Variants in ADGRL2 observed in about 807,000 individuals in gnomAD.
The protein encoded by ADGRL2 is calcium-independent alpha-latrotoxin receptor 2.
Under a neutral mutation model 157.4 loss-of-function variants are expected in ADGRL2, and 44 were observed. That is an observed-to-expected ratio of 0.28 (90% CI 0.22 to 0.36). ADGRL2 has a LOEUF of 0.36. Among genes scored for constraint, ADGRL2 ranks in the 10% least tolerant of loss-of-function variants. The pLI, the probability that ADGRL2 is intolerant of heterozygous loss-of-function variation, is 1.00. For missense variants in ADGRL2, 1,510 were observed against 1,768.9 expected, an observed-to-expected ratio of 0.85 and a Z score of 2.63; for synonymous variants, 585 against 624.7, an observed-to-expected ratio of 0.94 and a Z score of 0.95.
chr1:81,496,741 C>G (rs577503124), intron 2 of ADGRL2, among the ~76,000 whole-genome samples: 1 of 151,144 alleles, frequency 6.6e-6, no homozygotes, highest in Non-Finnish European at 1.5e-5. Context: ...ATTTAGAAGA[C>G]AGAGATTAGA....
chr1:81,483,575 C>A (rs916811229), intron 2 of ADGRL2, among the ~76,000 whole-genome samples: 2 of 151,950 alleles, frequency 1.3e-5, no homozygotes, highest in African/African-American at 2.4e-5. Flanking sequence ...ATATATTTCC[C>A]CCAGAAGCAA....
intron 1 of ADGRL2, among the ~76,000 whole-genome samples, chr1:81,318,473 C>A (rs1446591349): frequency 1.3e-5 from 2 of 152,064 alleles, no homozygotes; most frequent in African/African-American, 4.8e-5. Flanking sequence ...GGGGGCAATA[C>A]TGACATCTAC....
intron 1 of ADGRL2, among the ~76,000 whole-genome samples, chr1:81,714,199 C>T (rs572813245): frequency 1.0e-3 from 155 of 152,254 alleles, no homozygotes; most frequent in Non-Finnish European, 1.7e-3. Flanking sequence ...TGGGTGGAAA[C>T]ACAGCCAAAC....
chr1:81,643,828 C>G (rs930150954), intron 3 of ADGRL2, among the ~76,000 whole-genome samples: 2 of 152,162 alleles, frequency 1.3e-5, no homozygotes, highest in African/African-American at 4.8e-5. Context: ...TTCTTCCCAA[C>G]TAAATCTATA....
chr1:81,799,111 G>T (rs1334443732), upstream of ADGRL2, among the ~76,000 whole-genome samples: 1 of 152,188 alleles, frequency 6.6e-6, no homozygotes, highest in Non-Finnish European at 1.5e-5. Flanking sequence ...TCTTTTCAAC[G>T]ACTTGAAGTA....
chr1:81,628,230 G>A (rs1570677545), intron 3 of ADGRL2, among the ~76,000 whole-genome samples: 1 of 152,158 alleles, frequency 6.6e-6, no homozygotes, highest in African/African-American at 2.4e-5. Context: ...GTAAGAAAAT[G>A]TATTCTGAGG....
rs200634591 is a variant in ADGRL2 at position 81,319,266 on chromosome 1, T to TG, written c.-302+12759dup. Among the ~76,000 whole-genome samples the TG allele has an allele frequency of 8.9e-4, 135 of 152,272 alleles. No homozygotes were observed. In the East Asian group the frequency reaches 0.022, roughly 24 times the overall value. On this transcript the variant is annotated intron_variant, in intron 1 of 24. Transcript: ENST00000370721. Reference sequence around the variant, plus strand: ...CCAGCTTTATCCTCCATCAATTCTATGGTGATGCTCACTTGTTTGTTTGAA... The same window carrying TG: ...CCAGCTTTATCCTCCATCAATTCTATGGGTGATGCTCACTTGTTTGTTTGAA...
rs754847382 is a variant in ADGRL2 at position 81,990,429 on chromosome 1, G to T, written c.3694G>T (p.Asp1232Tyr). The T allele has an allele frequency of 5.6e-6, 9 of 1,614,016 alleles. No individual in the cohort carries two copies. Among genetic ancestry groups the T allele is most frequent in the Non-Finnish European group, 7.6e-6 (9 of 1,179,938 alleles). ...CAATGCCAGGGATACAAGTGCCATG[G>T]ATACTCTACCGCTAAATGGTAATTT... Reference protein sequence around the residue: ...LNNARDTSAMDTLPLNGNFNN... With the variant: ...LNNARDTSAMYTLPLNGNFNN... Residue 1232 changes from aspartate to tyrosine, a missense_variant, in exon 24 of 24, where the codon GAT (aspartate) becomes TAT (tyrosine). Transcript: ENST00000686636.
rs577175586 is a variant in ADGRL2, at chr1:81,577,235, C to T, written c.-247-3641C>T. Among the ~76,000 whole-genome samples, 11 of 152,268 alleles carry T rather than the reference C, an allele frequency of 7.2e-5. No homozygotes were observed. In the East Asian group the frequency reaches 1.7e-3, roughly 24 times the overall value. The stretch of plus-strand genomic sequence containing the variant: ...TGATGTTTTCATCGGTAGCATGCGA[C>T]TCTTGATATCCTGTGTGAATTTAGG... On this transcript the variant is annotated intron_variant, in intron 2 of 24. Transcript: ENST00000370721.
chr1:81,322,113 C>CATATATATATATATATATATAT (rs1345847160), intron 1 of ADGRL2, among the ~76,000 whole-genome samples: 10 of 112,110 alleles, frequency 8.9e-5, no homozygotes, highest in Admixed American at 1.9e-4. Flanking sequence ...TATATATACA[C>CATATATATATATATATATATAT]ATATATATAT....
chr1:81,828,367 G>C (rs1438710860), intron 1 of ADGRL2, among the ~76,000 whole-genome samples: 1 of 152,114 alleles, frequency 6.6e-6, no homozygotes, highest in Non-Finnish European at 1.5e-5. Context: ...TTAAGCTCAA[G>C]AGATTGGAAA....
chr1:81,817,727 C>T (rs1049268642), intron 1 of ADGRL2, among the ~76,000 whole-genome samples: 14 of 151,976 alleles, frequency 9.2e-5, no homozygotes, highest in Middle Eastern at 6.8e-3. Flanking sequence ...TTTTGGCGGC[C>T]TTGTCCCCAT....
chr1:81,349,255 C>T (rs977964516), intron 1 of ADGRL2, among the ~76,000 whole-genome samples: 1 of 152,174 alleles, frequency 6.6e-6, no homozygotes, highest in Non-Finnish European at 1.5e-5. Flanking sequence ...GAGGTGTCTG[C>T]TTGTAACCAG....
At chr1:81,440,481 C>T (rs1383094713) in intron 1 of ADGRL2, among the ~76,000 whole-genome samples, 5 of 152,134 alleles carry the variant, frequency 3.3e-5, no homozygotes, top group East Asian at 3.9e-4. Flanking sequence ...GAATTCCCAC[C>T]CATATGGAGA....
chr1:81,431,169 A>G (rs1443621826), intron 1 of ADGRL2, among the ~76,000 whole-genome samples: 1 of 152,106 alleles, frequency 6.6e-6, no homozygotes, highest in Non-Finnish European at 1.5e-5. Flanking sequence ...TAAGATTTCC[A>G]AGGGATATCC....
At chr1:81,828,051 C>G (rs1169333640) in intron 1 of ADGRL2, among the ~76,000 whole-genome samples, 1 of 152,166 alleles carries the variant, frequency 6.6e-6, no homozygotes, top group South Asian at 2.1e-4. Flanking sequence ...ATCCAGTTAT[C>G]TTGGTCTTAG....
intron 2 of ADGRL2, among the ~76,000 whole-genome samples, chr1:81,457,041 T>G (rs936470611): frequency 1.3e-5 from 2 of 152,214 alleles, no homozygotes; most frequent in Admixed American, 6.5e-5. Flanking sequence ...CTTAAGATAT[T>G]TACATAATAC....
chr1:81,450,438 T>G (rs942752901), intron 2 of ADGRL2, among the ~76,000 whole-genome samples: 2 of 152,098 alleles, frequency 1.3e-5, no homozygotes, highest in African/African-American at 2.4e-5. Context: ...TTGGCCCCAG[T>G]CTAAAGATAA....
At chr1:81,574,929 G>A (rs1557474916) in intron 2 of ADGRL2, among the ~76,000 whole-genome samples, 1 of 152,126 alleles carries the variant, frequency 6.6e-6, no homozygotes, top group African/African-American at 2.4e-5. Context: ...AATAAAGCTC[G>A]TAGCTCCCCT....
Sources: allele counts gnomAD v4.1 joint callset (sites outside exome capture counted in the v4.1 genomes callset), GRCh38; gene constraint gnomAD v4.1.1; transcripts MANE v1.5; gene names NCBI Gene and HGNC (gene_info 2026-07-23, HGNC 2026-07-21).